LOC400499: variants seen among roughly 807,000 people sequenced by gnomAD.
chr16:11,378,330 C>A, the LOC400499 span, among the ~76,000 whole-genome samples: 1 of 148,174 alleles, frequency 6.7e-6, no homozygotes, highest in Non-Finnish European at 1.5e-5. Context: ...GTGGCACAAT[C>A]TCAGCTTACT....
the LOC400499 span, among the ~76,000 whole-genome samples, chr16:11,492,521 T>C: frequency 2.6e-5 from 4 of 151,864 alleles, no homozygotes; most frequent in African/African-American, 9.7e-5. Context: ...CGGTGGCTCA[T>C]GCCTGTAATC....
the LOC400499 span, among the ~76,000 whole-genome samples, chr16:11,397,769 G>GGGAGGGATGGAT: frequency 1.0e-4 from 3 of 29,452 alleles, no homozygotes; most frequent in African/African-American, 2.5e-4. Flanking sequence ...GAGGGAGGGA[G>GGGAGGGATGGAT]GGATGGAGGG....
chr16:11,398,420 C>G, the LOC400499 span: 1 of 1,232,160 alleles, frequency 8.1e-7, no homozygotes, highest in Non-Finnish European at 1.0e-6. Flanking sequence ...GTACTTCTCC[C>G]CAGAAGCTCT....
chr16:11,500,567 A>G, the LOC400499 span, among the ~76,000 whole-genome samples: 2 of 144,628 alleles, frequency 1.4e-5, no homozygotes, highest in African/African-American at 5.0e-5. Context: ...AGGTTAAATC[A>G]CTTGCCTGGG....
chr16:11,463,385 T>C, the LOC400499 span, among the ~76,000 whole-genome samples: 1 of 149,780 alleles, frequency 6.7e-6, no homozygotes, highest in East Asian at 1.9e-4. Flanking sequence ...TGTGCGGATG[T>C]GTGTGTATGA....
the LOC400499 span, chr16:11,457,265 G>T: frequency 1.9e-6 from 1 of 519,656 alleles, no homozygotes; most frequent in Non-Finnish European, 3.4e-6. Flanking sequence ...AAATAGTGCA[G>T]CTACTGTGGA....
At chr16:11,418,630 G>C in the LOC400499 span, among the ~76,000 whole-genome samples, 4 of 152,196 alleles carry the variant, frequency 2.6e-5, no homozygotes, top group East Asian at 3.8e-4. Context: ...ATTCTTTCTT[G>C]CACAAGATCC....
the LOC400499 span, among the ~76,000 whole-genome samples, chr16:11,389,527 C>CA: frequency 2.6e-5 from 4 of 151,802 alleles, no homozygotes; most frequent in Non-Finnish European, 5.9e-5. Context: ...ACTAAAAATA[C>CA]AAAAAATTAG....
chr16:11,494,590 G>C, the LOC400499 span: 4 of 398,748 alleles, frequency 1.0e-5, no homozygotes, highest in Admixed American at 4.4e-5. Context: ...CATCATCCGA[G>C]GGCTCCTGGA....
At chr16:11,488,476 G>C in the LOC400499 span, among the ~76,000 whole-genome samples, 1 of 152,160 alleles carries the variant, frequency 6.6e-6, no homozygotes, top group South Asian at 2.1e-4. Context: ...CTGGAGTGCA[G>C]TGGTGCAATC....
At chr16:11,385,251 T>A in the LOC400499 span, 1 of 1,232,234 alleles carries the variant, frequency 8.1e-7, no homozygotes, top group Non-Finnish European at 1.0e-6. Flanking sequence ...GTGGTTAAGT[T>A]CCACGAACAG....
the LOC400499 span, chr16:11,446,663 C>G: frequency 6.5e-7 from 1 of 1,534,866 alleles, no homozygotes; most frequent in South Asian, 1.2e-5. Flanking sequence ...CATACATGTA[C>G]ACACGCATGC....
the LOC400499 span, among the ~76,000 whole-genome samples, chr16:11,424,556 G>T: frequency 6.6e-6 from 1 of 152,244 alleles, no homozygotes; most frequent in East Asian, 1.9e-4. Context: ...CAGAAATGGC[G>T]ATTTCATCTG....
chr16:11,428,514 T>G, the LOC400499 span, among the ~76,000 whole-genome samples: 1 of 152,148 alleles, frequency 6.6e-6, no homozygotes, highest in Non-Finnish European at 1.5e-5. Context: ...AACTTCCTGA[T>G]GTTGCCATGG....
the LOC400499 span, among the ~76,000 whole-genome samples, chr16:11,441,365 A>G: frequency 1.3e-5 from 2 of 152,230 alleles, no homozygotes; most frequent in African/African-American, 4.8e-5. Context: ...GTTCATTGCC[A>G]TATTCCTAAT....
At chr16:11,396,408 G>A in the LOC400499 span, 2 of 1,113,082 alleles carry the variant, frequency 1.8e-6, no homozygotes, top group East Asian at 6.4e-5. Context: ...GCCACTAGAT[G>A]GCGGGGCCGC....
At chr16:11,458,275 G>C in the LOC400499 span, among the ~76,000 whole-genome samples, 4 of 152,156 alleles carry the variant, frequency 2.6e-5, no homozygotes, top group African/African-American at 9.7e-5. Context: ...TGAACCCAGA[G>C]GCAGAAGTTG....
the LOC400499 span, among the ~76,000 whole-genome samples, chr16:11,505,832 G>T: frequency 9.9e-5 from 15 of 152,096 alleles, no homozygotes; most frequent in East Asian, 2.5e-3. Context: ...ATCAAATCAG[G>T]ATAATTGCGA....
At chr16:11,495,724 A>G in the LOC400499 span, among the ~76,000 whole-genome samples, 1 of 152,226 alleles carries the variant, frequency 6.6e-6, no homozygotes, top group Non-Finnish European at 1.5e-5. Context: ...ACTACAAGCC[A>G]GACTGCTGAT....
Sources: allele counts gnomAD v4.1 joint callset (sites outside exome capture counted in the v4.1 genomes callset), GRCh38; gene constraint gnomAD v4.1.1; transcripts MANE v1.5.